Variants in CLEC4F observed in about 807,000 individuals in gnomAD.
CLEC4F encodes the protein C-type lectin domain family 4 member F.
In CLEC4F, 45 loss-of-function variants were observed where a neutral mutation model predicts 53.4. The observed-to-expected ratio is 0.84, with a 90% CI of 0.66 to 1.08. The LOEUF is 1.08. Among genes scored for constraint, CLEC4F ranks in the 50% least tolerant of loss-of-function variants. The probability of loss-of-function intolerance (pLI) is 0.00; values close to 1 mark genes in which losing one functional copy is unlikely to be tolerated. For missense variants in CLEC4F, 753 were observed against 698.2 expected (o/e 1.08, Z -0.88); for synonymous variants, 245 against 257.5 (o/e 0.95, Z 0.46).
chr2:70,813,510 CTTTTCTTT>C (rs1460797757), intron 4 of CLEC4F, among the ~76,000 whole-genome samples: 7 of 83,720 alleles, frequency 8.4e-5, no homozygotes, highest in Middle Eastern at 5.7e-3. Context: ...TTCTTTCTTT[CTTTTCTTT>C]CTTTCTTTCT....
chr2:70,814,610 T>C (rs1553395308), intron 4 of CLEC4F, among the ~76,000 whole-genome samples: 1 of 152,200 alleles, frequency 6.6e-6, no homozygotes, highest in Non-Finnish European at 1.5e-5. Context: ...TTAATAAAAT[T>C]TATTTTATTA....
In CLEC4F at chr2:70,809,139, G is replaced by A. The variant is rs781995260; in HGVS notation, c.*132C>T. 2.5e-5 allele frequency: 39 copies of A among 1,551,860 alleles called. No individual in the cohort carries two copies. The highest frequency in any genetic ancestry group is 3.4e-5 in the Non-Finnish European group (39 of 1,147,344). On this transcript the variant is annotated 3_prime_UTR_variant, in exon 7 of 7. Coordinates refer to ENST00000272367, the MANE Select transcript of CLEC4F (RefSeq NM_173535.3). ...GGCAGCATCCCTTCCTGGTGCTGTG[G>A]CTCCTAGGGAGCTGACATGGGATGA...
At chr2:70,811,781 A>C (rs1002146231) in intron 5 of CLEC4F, among the ~76,000 whole-genome samples, 8 of 152,138 alleles carry the variant, frequency 5.3e-5, no homozygotes, top group Admixed American at 1.3e-4. Context: ...GGATTAACTG[A>C]CATTAAAATC....
At chr2:70,809,939 T>C in intron 5 of CLEC4F, 82 bp from the exon 6 acceptor site, 1 of 829,548 alleles carries the variant, frequency 1.2e-6, no homozygotes. Flanking sequence ...TGCTTATAGA[T>C]ATACACATAA....
intron 5 of CLEC4F, chr2:70,810,718 A>G (rs1553394023): frequency 5.5e-6 from 2 of 360,520 alleles, no homozygotes; most frequent in African/African-American, 4.3e-5. Context: ...TGGATACACG[A>G]TTGATGTGTC....
chr2:70,815,182 T>C (rs1676827878), intron 4 of CLEC4F, among the ~76,000 whole-genome samples: 1 of 152,202 alleles, frequency 6.6e-6, no homozygotes, highest in Non-Finnish European at 1.5e-5. Context: ...GAGAACTGCC[T>C]GAAGTTTCCA....
chr2:70,822,735 C>T (rs1434912521), upstream of CLEC4F, among the ~76,000 whole-genome samples: 1 of 152,232 alleles, frequency 6.6e-6, no homozygotes, highest in Non-Finnish European at 1.5e-5. Flanking sequence ...AGTCTAATTA[C>T]ATATTACACC....
upstream of CLEC4F, chr2:70,820,652 T>G (rs1371868884): frequency 2.3e-6 from 2 of 865,822 alleles, no homozygotes; most frequent in East Asian, 5.9e-5. Context: ...CCCTCCCAGC[T>G]CTTCCTCCCT....
chr2:70,818,975 A>G (rs1553397120), intron 3 of CLEC4F, among the ~76,000 whole-genome samples: 1 of 152,136 alleles, frequency 6.6e-6, no homozygotes, highest in Non-Finnish European at 1.5e-5. Flanking sequence ...TCTTATCTAT[A>G]AAACTCTAGA....
intron 3 of CLEC4F, 39 bp from the exon 4 acceptor site, chr2:70,817,151 A>G: frequency 6.3e-7 from 1 of 1,581,048 alleles, no homozygotes; most frequent in Non-Finnish European, 8.5e-7. Flanking sequence ...AAAGAGGCCC[A>G]TTATGTAGGG....
chr2:70,819,357 T>C lies in CLEC4F; in HGVS notation c.266A>G (p.Asn89Ser), dbSNP rs782734196. 1.2e-6 allele frequency: 2 copies of C among 1,613,874 alleles called. No homozygotes were observed. Among genetic ancestry groups the C allele is most frequent in the South Asian group, 1.1e-5 (1 of 91,074 alleles). ...CCACCCCCACTGTGGCTACTCACTG[T>C]TGGGTTCAAAAGGTAAATGCCCAGT... Reference protein sequence around the residue: ...NITGHLPFEPNNHHHFGREAE... With the variant: ...NITGHLPFEPSNHHHFGREAE... Residue 89 changes from asparagine (N) to serine (S), a missense_variant and splice_region_variant, in exon 3 of 7, where the codon AAC becomes AGC. Asn to Ser is a conservative substitution (Grantham distance 46). Coordinates refer to ENST00000272367, the MANE Select transcript of CLEC4F (RefSeq NM_173535.3).
At chr2:70,815,618 C>T (rs1321944812) in intron 4 of CLEC4F, among the ~76,000 whole-genome samples, 1 of 152,220 alleles carries the variant, frequency 6.6e-6, no homozygotes, top group East Asian at 1.9e-4. Context: ...ATATTATTGT[C>T]TCCCCCTTGC....
At chr2:70,825,083 A>C (rs1279974588), upstream of CLEC4F, among the ~76,000 whole-genome samples, 1 of 152,248 alleles carries the variant, frequency 6.6e-6, no homozygotes, top group Non-Finnish European at 1.5e-5. Context: ...TACCCTTCAT[A>C]GGATGTGATG....
chr2:70,824,622 C>CAAA (rs1180721472), upstream of CLEC4F, among the ~76,000 whole-genome samples: 148 of 38,772 alleles, frequency 3.8e-3, 3 homozygotes, highest in South Asian at 0.013. Context: ...GCTTAGTTAC[C>CAAA]AAAAAAAAAA....
At chr2:70,813,894 C>T (rs1553395137) in intron 4 of CLEC4F, among the ~76,000 whole-genome samples, 1 of 152,052 alleles carries the variant, frequency 6.6e-6, no homozygotes, top group African/African-American at 2.4e-5. Context: ...GGCCAAGCTG[C>T]TCTCAAACTC....
intron 5 of CLEC4F, 152 bp downstream of exon 5, chr2:70,812,295 G>A: frequency 1.4e-6 from 1 of 738,272 alleles, no homozygotes; most frequent in Non-Finnish European, 2.2e-6. Context: ...CAGTGCATAT[G>A]CTCATCAGAA....
At chr2:70,821,407 G>C (rs1558622636), upstream of CLEC4F, among the ~76,000 whole-genome samples, 2 of 152,126 alleles carry the variant, frequency 1.3e-5, no homozygotes, top group Non-Finnish European at 1.5e-5. Context: ...GGGACTTTCA[G>C]CCACCCACTC....
At chr2:70,813,607 C>CTTTCTTTCTTTCTTTT (rs1676717377) in intron 4 of CLEC4F, among the ~76,000 whole-genome samples, 1 of 111,260 alleles carries the variant, frequency 9.0e-6, no homozygotes, top group South Asian at 2.8e-4. Flanking sequence ...CTCTTTCTTT[C>CTTTCTTTCTTTCTTTT]TTTCTTTCTT....
intron 4 of CLEC4F, among the ~76,000 whole-genome samples, chr2:70,813,609 T>TTCTTTCTTTCTC (rs1221201831): frequency 7.2e-6 from 1 of 139,728 alleles, no homozygotes; most frequent in African/African-American, 3.0e-5. Flanking sequence ...CTTTCTTTCT[T>TTCTTTCTTTCTC]TCTTTCTTTC....
Sources: allele counts gnomAD v4.1 joint callset (sites outside exome capture counted in the v4.1 genomes callset), GRCh38; gene constraint gnomAD v4.1.1; transcripts MANE v1.5; gene names NCBI Gene and HGNC (gene_info 2026-07-23, HGNC 2026-07-21).